Variants in CCZ1B observed in about 807,000 individuals in gnomAD.
CCZ1B encodes the protein CCZ1B vacuolar protein trafficking and biogenesis associated, also known as vacuolar fusion protein CCZ1 homolog B.
In CCZ1B, 25 loss-of-function variants were observed where a neutral mutation model predicts 58.8. That is an observed-to-expected ratio of 0.43 (90% CI 0.31 to 0.59). CCZ1B has a LOEUF of 0.59. CCZ1B is among the 20% of genes least tolerant of loss of function. The probability of loss-of-function intolerance (pLI) is 0.12; values close to 1 mark genes in which losing one functional copy is unlikely to be tolerated. For synonymous variants in CCZ1B, 66 were observed against 173.2 expected (o/e 0.38, Z 4.86); for missense variants, 180 against 501.5 (o/e 0.36, Z 6.12).
At chr7:6,811,145 C>G (rs1216126327) in intron 10 of CCZ1B, among the ~76,000 whole-genome samples, 2 of 151,210 alleles carry the variant, frequency 1.3e-5, no homozygotes, top group African/African-American at 4.9e-5. Flanking sequence ...CTTCACTTCC[C>G]TTCCCCACCT....
chr7:6,800,376 T>A lies in CCZ1B; in HGVS notation c.1393+572A>T, dbSNP rs560814944. On this transcript the variant is annotated intron_variant, in intron 14 of 14. Transcript: ENST00000316731. The stretch of plus-strand genomic sequence containing the variant: ...TCACAGGATATTAAAAAAGGACATT[T>A]TGGGCTGGGCAAGGTGGCTCACGCC... Among the ~76,000 whole-genome samples, 4 of 137,394 alleles carry A rather than the reference T, an allele frequency of 2.9e-5. No individual in the cohort carries two copies. In the South Asian group the frequency reaches 1.1e-3, roughly 38 times the overall value. The allele number at this position is 137,394 out of a possible 152,430, so 90.1% of individuals were successfully genotyped here.
intron 7 of CCZ1B, among the ~76,000 whole-genome samples, chr7:6,815,481 C>A (rs1230853364): frequency 6.7e-6 from 1 of 148,450 alleles, no homozygotes; most frequent in African/African-American, 2.6e-5. Flanking sequence ...TTTCATTTTT[C>A]AAGAGATGAG....
At chr7:6,813,220 G>T (rs1331544263) in intron 8 of CCZ1B, among the ~76,000 whole-genome samples, 183 bp from the exon 9 acceptor site, 2 of 149,382 alleles carry the variant, frequency 1.3e-5, no homozygotes, top group Non-Finnish European at 3.0e-5. Context: ...CTATAGCCTT[G>T]AACTCCTAGG....
At chr7:6,816,503 C>T (rs1300204863) in intron 7 of CCZ1B, among the ~76,000 whole-genome samples, 26 of 150,174 alleles carry the variant, frequency 1.7e-4, no homozygotes, top group Non-Finnish European at 1.3e-4. Context: ...AAAATCAAAG[C>T]AATATACTAA....
rs531411291 is a variant in CCZ1B, at chr7:6,799,435, T to G, written c.1394-156A>C. On this transcript the variant is annotated intron_variant, in intron 14 of 14. Coordinates refer to ENST00000316731, the MANE Select transcript of CCZ1B (RefSeq NM_198097.5). Reference sequence around the variant, plus strand: ...GACTAGGCAAGAATTTTTTTTTTTTTTTTTTTGTTTGAGACAGAGTCTTGC... The same window carrying G: ...GACTAGGCAAGAATTTTTTTTTTTTGTTTTTTGTTTGAGACAGAGTCTTGC... 8.0e-5 allele frequency: 30 copies of G among 374,706 alleles called. 3 individuals carry two copies. The highest frequency in any genetic ancestry group is 1.5e-4 in the African/African-American group (4 of 26,266). 23.2% of individuals were successfully genotyped at this position (374,706 alleles called of 1,614,324 possible). A position where few individuals can be genotyped will look rare whatever the true frequency, so the allele number is the denominator to read the frequency against.
At chr7:6,821,676 CCAGCCTGGGCAAAA>C (rs1194560101) in intron 6 of CCZ1B, among the ~76,000 whole-genome samples, 2 of 151,614 alleles carry the variant, frequency 1.3e-5, no homozygotes, top group African/African-American at 4.9e-5. Context: ...TCGCTTGAAA[CCAGCCTGGGCAAAA>C]CAGCCAAGAC....
intron 1 of CCZ1B, among the ~76,000 whole-genome samples, chr7:6,825,746 G>A (rs1192403506): frequency 8.0e-6 from 1 of 125,568 alleles, no homozygotes; most frequent in Non-Finnish European, 1.6e-5. Flanking sequence ...GAAGGCTAGC[G>A]TCTGCCACCC....
intron 10 of CCZ1B, among the ~76,000 whole-genome samples, chr7:6,808,384 C>CAAAA (rs766038650): frequency 8.5e-5 from 8 of 94,612 alleles, no homozygotes; most frequent in South Asian, 4.1e-4. Context: ...ACCAAAAAAC[C>CAAAA]AAAAAAAAAA....
At chr7:6,822,619 T>A (rs1783129636) in intron 5 of CCZ1B, among the ~76,000 whole-genome samples, 1 of 149,192 alleles carries the variant, frequency 6.7e-6, no homozygotes, top group African/African-American at 2.5e-5. Context: ...CCCTTAAGTT[T>A]CAATTTACAT....
At chr7:6,809,441 C>T (rs1273169101) in intron 10 of CCZ1B, among the ~76,000 whole-genome samples, 2 of 145,714 alleles carry the variant, frequency 1.4e-5, no homozygotes, top group Non-Finnish European at 3.0e-5. Flanking sequence ...TGTAGATTGA[C>T]TCTAAAAATA....
chr7:6,821,238 A>C (rs539071999), intron 6 of CCZ1B, among the ~76,000 whole-genome samples: 1 of 149,954 alleles, frequency 6.7e-6, no homozygotes, highest in African/African-American at 2.5e-5. Flanking sequence ...TCTCGAACTC[A>C]TGACCTCAAG....
chr7:6,812,038 T>G lies in CCZ1B; in HGVS notation c.868A>C (p.Asn290His), dbSNP rs774965941. The G allele has an allele frequency of 5.8e-6, 9 of 1,549,124 alleles. No individual in the cohort carries two copies. In the South Asian group the frequency reaches 1.0e-4, roughly 17 times the overall value. The change falls in exon 10 of 15, where the codon AAT (asparagine) becomes CAT (histidine). Residue 290 changes from asparagine (N) to histidine (H), a missense_variant. Asn to His is a moderately conservative substitution (Grantham distance 68). Transcript: ENST00000316731. ...GRFLTGPLNL[N>H]DPDAKCRFPK... ...AATCTGCATTTTGCATCTGGATCAT[T>G]GAGGTTCAAGGGTCCGGTAAGAAAT... is the stretch of plus-strand genomic sequence containing the variant.
rs1346297380 is a variant in CCZ1B, at chr7:6,820,014, A to C, written c.523-73T>G. 33 of 1,245,466 alleles carry C rather than the reference A, an allele frequency of 2.6e-5. 1 individual carries two copies. Among genetic ancestry groups the C allele is most frequent in the Non-Finnish European group, 3.4e-5 (30 of 878,298 alleles). The allele number at this position is 1,245,466 out of a possible 1,614,324, so 77.2% of individuals were successfully genotyped here. A position where few individuals can be genotyped will look rare whatever the true frequency, so the allele number is the denominator to read the frequency against. ...ATAATGCTCCTTGATAACTGAAAAT[A>C]ATCTTATGTCAGACTCACATTTATG... On this transcript the variant is annotated intron_variant, in intron 6 of 14. Transcript: ENST00000316731.
intron 12 of CCZ1B, among the ~76,000 whole-genome samples, chr7:6,801,952 C>T (rs572746126): frequency 5.1e-5 from 6 of 116,682 alleles, no homozygotes; most frequent in Non-Finnish European, 5.4e-5. Context: ...TCTGCTTTCC[C>T]ACCAAAATGA....
At chr7:6,814,959 C>T in intron 7 of CCZ1B, 114 bp from the exon 8 acceptor site, 1 of 675,160 alleles carries the variant, frequency 1.5e-6, no homozygotes, top group Non-Finnish European at 2.4e-6. Context: ...TTTAGTAACA[C>T]AGAATAAATT....
chr7:6,825,551 G>C (rs1783181975), intron 1 of CCZ1B, among the ~76,000 whole-genome samples: 1 of 121,522 alleles, frequency 8.2e-6, no homozygotes, highest in Non-Finnish European at 1.7e-5. Context: ...CGCCCAGCCT[G>C]GACAGTCTTT....
At chr7:6,825,265 G>T (rs1220908952) in intron 1 of CCZ1B, among the ~76,000 whole-genome samples, 1 of 145,650 alleles carries the variant, frequency 6.9e-6, no homozygotes, top group African/African-American at 2.7e-5. Flanking sequence ...TTCTGGAGAT[G>T]GGGTCTGTGC....
In CCZ1B at chr7:6,820,141, C is replaced by CT. The variant is rs1554259394; in HGVS notation, c.523-201dup. Reference sequence around the variant, plus strand: ...CCAATTCCAAGATACAAAGTTCAAACTATCTACTTAATGTTTATTCAGTAT... The same window carrying CT: ...CCAATTCCAAGATACAAAGTTCAAACTTATCTACTTAATGTTTATTCAGTAT... On this transcript the variant is annotated intron_variant, in intron 6 of 14. Coordinates refer to ENST00000316731, the MANE Select transcript of CCZ1B (RefSeq NM_198097.5). 2.4e-4 allele frequency among the ~76,000 whole-genome samples: 36 copies of CT among 148,566 alleles called. 2 individuals are homozygous for CT. Among genetic ancestry groups the CT allele is most frequent in the African/African-American group, 9.1e-4 (36 of 39,414 alleles).
chr7:6,822,144 C>T (rs575349984), intron 6 of CCZ1B, 137 bp downstream of exon 6: 29 of 1,321,670 alleles, frequency 2.2e-5, no homozygotes, highest in East Asian at 1.0e-4. Context: ...TCCAGTTTTG[C>T]GACGGTCTGT....
Sources: allele counts gnomAD v4.1 joint callset (sites outside exome capture counted in the v4.1 genomes callset), GRCh38; gene constraint gnomAD v4.1.1; transcripts MANE v1.5; gene names NCBI Gene and HGNC (gene_info 2026-07-23, HGNC 2026-07-21).